Variants in DIAPH2 observed in about 807,000 individuals in gnomAD.
DIAPH2 encodes diaphanous related formin 2.
In DIAPH2, 35 loss-of-function variants were observed where a neutral mutation model predicts 92.7. The observed-to-expected ratio is 0.38, with a 90% confidence interval of 0.29 to 0.50. DIAPH2 has a LOEUF of 0.50. Among genes scored for constraint, DIAPH2 ranks in the 20% least tolerant of loss-of-function variants. The pLI is 0.94. For synonymous variants in DIAPH2, 301 were observed against 280.4 expected, an observed-to-expected ratio of 1.07 and a Z score of -0.73; for missense variants, 701 against 819.5, an observed-to-expected ratio of 0.86 and a Z score of 1.77.
intron 5 of DIAPH2, among the ~76,000 whole-genome samples, chrX:96,908,320 G>A (rs748135597): frequency 4.0e-4 from 44 of 110,860 alleles, no homozygotes; most frequent in Non-Finnish European, 7.0e-4. Flanking sequence ...ATTTTCCTCC[G>A]TTTTTCCTTC....
chrX:97,386,129 A>G (rs958944539), intron 25 of DIAPH2, among the ~76,000 whole-genome samples: 2 of 112,408 alleles, frequency 1.8e-5, no homozygotes, highest in Non-Finnish European at 1.9e-5. Flanking sequence ...GGAATTGACT[A>G]TAGTTTATAT....
At chrX:96,842,611 G>A (rs977905293) in intron 4 of DIAPH2, among the ~76,000 whole-genome samples, 5 of 111,946 alleles carry the variant, frequency 4.5e-5, no homozygotes, top group Non-Finnish European at 9.4e-5. Context: ...ATTTCATTTA[G>A]TATTGTCAAT....
At chrX:97,441,708 G>A (rs1320605434) in intron 26 of DIAPH2, among the ~76,000 whole-genome samples, 2 of 111,643 alleles carry the variant, frequency 1.8e-5, no homozygotes, top group Admixed American at 9.4e-5. Context: ...CCCAGCTACT[G>A]GAGGCTGAGG....
At chrX:96,754,673 C>T (rs1447121007) in intron 3 of DIAPH2, among the ~76,000 whole-genome samples, 1 of 109,890 alleles carries the variant, frequency 9.1e-6, no homozygotes, top group Non-Finnish European at 1.9e-5. Flanking sequence ...GCTTGTAATC[C>T]CAGCACTTTG....
At chrX:96,979,871 G>T (rs2065983668) in intron 17 of DIAPH2, among the ~76,000 whole-genome samples, 1 of 111,810 alleles carries the variant, frequency 8.9e-6, no homozygotes, top group African/African-American at 3.3e-5. Context: ...GAGCTAGCCA[G>T]CTGTTTTGGC....
intron 22 of DIAPH2, among the ~76,000 whole-genome samples, chrX:97,243,007 C>T (rs1171468608): frequency 9.3e-6 from 1 of 107,708 alleles, no homozygotes; most frequent in Non-Finnish European, 1.9e-5. Flanking sequence ...AGGATGGTCT[C>T]GATCTCCTGA....
intron 26 of DIAPH2, among the ~76,000 whole-genome samples, chrX:97,435,863 G>T (rs184464974): frequency 9.8e-6 from 1 of 101,582 alleles, no homozygotes; most frequent in African/African-American, 3.7e-5. Context: ...GCTGGAGTGC[G>T]GTGGCGCGAT....
chrX:97,390,773 C>T (rs919039129), intron 25 of DIAPH2, among the ~76,000 whole-genome samples: 18 of 111,895 alleles, frequency 1.6e-4, no homozygotes, highest in African/African-American at 5.8e-4. Flanking sequence ...GTTTCATAGT[C>T]TGTATGTATT....
intron 26 of DIAPH2, among the ~76,000 whole-genome samples, chrX:97,574,077 GA>G (rs1268082953): frequency 9.0e-6 from 1 of 111,723 alleles, no homozygotes; most frequent in Non-Finnish European, 1.9e-5. Context: ...GACTGCCTTT[GA>G]TTCTCCTGTA....
intron 26 of DIAPH2, among the ~76,000 whole-genome samples, chrX:97,517,260 A>C (rs749433553): frequency 2.7e-5 from 3 of 112,472 alleles, no homozygotes; most frequent in Non-Finnish European, 5.6e-5. Flanking sequence ...GTGGTCAGAC[A>C]GCAAGTCTAA....
chrX:97,448,468 G>T (rs1416994557), intron 26 of DIAPH2, among the ~76,000 whole-genome samples: 1 of 111,268 alleles, frequency 9.0e-6, no homozygotes, highest in African/African-American at 3.3e-5. Flanking sequence ...TTATATTACC[G>T]ACTACCTGCC....
chrX:96,703,263 C>T (rs1019148104), intron 1 of DIAPH2, among the ~76,000 whole-genome samples: 2 of 111,647 alleles, frequency 1.8e-5, no homozygotes, highest in African/African-American at 6.5e-5. Flanking sequence ...AGCTTACAAT[C>T]ATATCTTACT....
intron 22 of DIAPH2, among the ~76,000 whole-genome samples, chrX:97,192,413 T>G: frequency 9.0e-6 from 1 of 111,109 alleles, no homozygotes. Context: ...GCTTTTTAAA[T>G]CCGTGCATAT....
chrX:97,515,427 A>C (rs1312281941), intron 26 of DIAPH2, among the ~76,000 whole-genome samples: 1 of 112,082 alleles, frequency 8.9e-6, no homozygotes, highest in Admixed American at 9.4e-5. Flanking sequence ...CCCTAGTGAG[A>C]TGAACCCGGT....
Position 97,599,367 on chromosome X carries a change from C to A in DIAPH2, c.*50C>A. 1.1e-6 allele frequency: 1 copy of A among 925,192 alleles called. No individual in the cohort carries two copies. Among genetic ancestry groups the A allele is most frequent in the Non-Finnish European group, 1.5e-6 (1 of 660,795 alleles). The allele number at this position is 925,192 out of a possible 1,213,427, so 76.2% of individuals were successfully genotyped here. On this transcript the variant is annotated 3_prime_UTR_variant, in exon 27 of 27. Coordinates refer to ENST00000324765, the MANE Select transcript of DIAPH2 (RefSeq NM_006729.5). ...ATATTTAAGTAAAAACAAAATGATG[C>A]ATTTTGAGAAGAACAAAGTGTGCAC...
intron 17 of DIAPH2, among the ~76,000 whole-genome samples, chrX:97,057,548 T>C (rs1261633135): frequency 1.8e-5 from 2 of 111,909 alleles, no homozygotes; most frequent in Non-Finnish European, 3.8e-5. Flanking sequence ...CCATTAGGCC[T>C]GCACAGTGTC....
chrX:97,192,931 G>C (rs2067666632), intron 22 of DIAPH2, among the ~76,000 whole-genome samples: 2 of 109,470 alleles, frequency 1.8e-5, no homozygotes, highest in Non-Finnish European at 3.8e-5. Flanking sequence ...CATATTCCTA[G>C]TCCACAGCTC....
chrX:96,923,935 G>T (rs2065563137), intron 9 of DIAPH2, among the ~76,000 whole-genome samples: 2 of 111,768 alleles, frequency 1.8e-5, no homozygotes, highest in Admixed American at 9.5e-5. Flanking sequence ...TCATTTCAGA[G>T]AGTGTCCCAT....
At chrX:96,789,759 C>G (rs1398718651) in intron 4 of DIAPH2, among the ~76,000 whole-genome samples, 2 of 111,878 alleles carry the variant, frequency 1.8e-5, no homozygotes, top group East Asian at 2.8e-4. Context: ...CCCCACTCCC[C>G]CAACTAGAGC....
Sources: allele counts gnomAD v4.1 joint callset (sites outside exome capture counted in the v4.1 genomes callset), GRCh38; gene constraint gnomAD v4.1.1; transcripts MANE v1.5; gene names NCBI Gene and HGNC (gene_info 2026-07-23, HGNC 2026-07-21).